The following SMIM7 variants were observed in gnomAD, a reference collection of about 807,000 sequenced individuals.
SMIM7 encodes the protein UPF0608 protein C19orf42.
Under a neutral mutation model 13.3 loss-of-function variants are expected in SMIM7, and 12 were observed. The ratio of observed to expected loss-of-function variants is 0.90; its 90% confidence interval spans 0.58 to 1.46. The LOEUF (loss-of-function observed/expected upper bound fraction) is 1.46. Ranked by LOEUF, SMIM7 falls within the 40% of genes most tolerant of loss-of-function variation. The pLI is 0.00. For missense variants in SMIM7, 114 were observed against 94.8 expected (o/e 1.20, Z -0.84); for synonymous variants, 36 against 35.8 (o/e 1.01, Z -0.02).
At chr19:16,642,498 C>G (rs1248203021), downstream of SMIM7, among the ~76,000 whole-genome samples, 3 of 151,948 alleles carry the variant, frequency 2.0e-5, no homozygotes, top group East Asian at 5.8e-4. Context: ...TGCAGTGAAC[C>G]AAGATCACAC....
intron 4 of SMIM7, among the ~76,000 whole-genome samples, chr19:16,633,098 T>C (rs2086333493): frequency 6.6e-6 from 1 of 152,206 alleles, no homozygotes; most frequent in Admixed American, 6.5e-5. Flanking sequence ...GGGAGCCTTG[T>C]GGGTGCTACA....
chr19:16,659,748 G>C, intron 2 of SMIM7: 1 of 687,110 alleles, frequency 1.5e-6, no homozygotes, highest in Non-Finnish European at 2.5e-6. Flanking sequence ...GTGAACAGAG[G>C]GACAACCAAG....
At chr19:16,632,945 G>A (rs2086332332) in intron 4 of SMIM7, among the ~76,000 whole-genome samples, 1 of 152,210 alleles carries the variant, frequency 6.6e-6, no homozygotes, top group Non-Finnish European at 1.5e-5. Flanking sequence ...AGACAAATGT[G>A]TATGTACAAG....
chr19:16,635,760 T>C (rs1423458344), intron 4 of SMIM7, among the ~76,000 whole-genome samples: 1 of 151,478 alleles, frequency 6.6e-6, no homozygotes, highest in Non-Finnish European at 1.5e-5. Flanking sequence ...GGCAGGCGCC[T>C]GTAATCCCAG....
Position 16,646,390 on chromosome 19 carries a change from C to T in SMIM7, c.*856G>A, listed in dbSNP as rs1220725242. The T allele has an allele frequency of 6.6e-6, 1 of 152,262 alleles. No individual in the cohort carries two copies. The highest frequency in any genetic ancestry group is 2.4e-5 in the African/African-American group (1 of 41,550). The allele number at this position is 152,262 out of a possible 1,614,324, so 9.4% of individuals were successfully genotyped here. On this transcript the variant is annotated 3_prime_UTR_variant, in exon 5 of 5. Transcript: ENST00000487416. ...GGGCGTTTCATTTTGGCAACAAAACCAGGATTCCCTTTCAAAGAAGCTTCT... is the reference window on the plus strand; with the variant it reads ...GGGCGTTTCATTTTGGCAACAAAACTAGGATTCCCTTTCAAAGAAGCTTCT...
At chr19:16,653,045 T>TGTG (rs1474158220) in intron 4 of SMIM7, 1 of 1,457,006 alleles carries the variant, frequency 6.9e-7, no homozygotes, top group Non-Finnish European at 9.3e-7. Context: ...TGGAGCAGGA[T>TGTG]CTGGCAGTGT....
At chr19:16,633,143 T>TG (rs966391579) in intron 4 of SMIM7, among the ~76,000 whole-genome samples, 3 of 152,112 alleles carry the variant, frequency 2.0e-5, no homozygotes, top group African/African-American at 7.2e-5. Flanking sequence ...GTGACCTCAC[T>TG]GGTGTTTGTA....
At chr19:16,658,003 C>G (rs1275462674) in intron 3 of SMIM7, among the ~76,000 whole-genome samples, 1 of 152,200 alleles carries the variant, frequency 6.6e-6, no homozygotes, top group Non-Finnish European at 1.5e-5. Flanking sequence ...CCGCTGCACT[C>G]CAGCCTGGGC....
At chr19:16,633,947 T>C (rs2086339852) in intron 4 of SMIM7, 1 of 152,202 alleles carries the variant, frequency 6.6e-6, no homozygotes, top group African/African-American at 2.4e-5. Flanking sequence ...CTTACACTTT[T>C]TCCTAGATTA....
chr19:16,652,636 G>A (rs1437578144), intron 4 of SMIM7: 11 of 1,339,708 alleles, frequency 8.2e-6, no homozygotes, highest in African/African-American at 1.5e-5. Context: ...AATACATCAC[G>A]GTCCTTGTGA....
chr19:16,636,909 T>C (rs971585527), intron 4 of SMIM7, among the ~76,000 whole-genome samples: 1 of 152,130 alleles, frequency 6.6e-6, no homozygotes, highest in African/African-American at 2.4e-5. Flanking sequence ...GCTAAGATAG[T>C]GCCACTGCAC....
At chr19:16,659,882 T>C (rs888024546) in intron 2 of SMIM7, 77 bp downstream of exon 2, 9 of 1,531,226 alleles carry the variant, frequency 5.9e-6, no homozygotes, top group East Asian at 2.4e-5. Flanking sequence ...GCCTGAGAAG[T>C]GCGCCGAGAT....
chr19:16,653,849 C>T (rs1016743526), intron 4 of SMIM7, 186 bp downstream of exon 4: 12 of 586,386 alleles, frequency 2.0e-5, no homozygotes, highest in Admixed American at 3.3e-5. Flanking sequence ...GAGCCCAGAT[C>T]GCACCACTGC....
intron 4 of SMIM7, chr19:16,652,691 G>C: frequency 2.1e-6 from 3 of 1,423,376 alleles, no homozygotes; most frequent in Non-Finnish European, 2.7e-6. Context: ...TGTCCTGGAA[G>C]CATCTTCGCA....
chr19:16,654,138 G>A lies in SMIM7; in HGVS notation c.122-13C>T. ...CGGATGTTGTCACCTGGAAGAATCA[G>A]AAAGCACTTTTATGGCACAGCTAAC... On this transcript the variant is annotated splice_polypyrimidine_tract_variant and intron_variant, in intron 3 of 4. Transcript: ENST00000487416. 2 of 1,612,100 alleles carry A rather than the reference G, an allele frequency of 1.2e-6. No individual in the cohort carries two copies. The highest frequency in any genetic ancestry group is 1.7e-6 in the Non-Finnish European group (2 of 1,178,342).
chr19:16,632,812 G>A (rs954911605), intron 4 of SMIM7, among the ~76,000 whole-genome samples: 2 of 152,062 alleles, frequency 1.3e-5, no homozygotes, highest in African/African-American at 2.4e-5. Context: ...GATTACAGGC[G>A]TGAGCCACCA....
chr19:16,632,535 ATTTTTTTTT>A (rs397933494), intron 4 of SMIM7, among the ~76,000 whole-genome samples: 6 of 126,972 alleles, frequency 4.7e-5, no homozygotes, highest in African/African-American at 1.8e-4. Flanking sequence ...AACTGTGAAC[ATTTTTTTTT>A]TTTTTTTTTT....
intron 3 of SMIM7, among the ~76,000 whole-genome samples, chr19:16,658,247 T>C (rs2086622360): frequency 6.6e-6 from 1 of 152,210 alleles, no homozygotes; most frequent in Non-Finnish European, 1.5e-5. Context: ...AGAAACCATG[T>C]GTCCCACCCC....
In SMIM7 at chr19:16,652,764, A is replaced by G. The variant is rs961137984; in HGVS notation, c.212+1271T>C. The G allele has an allele frequency of 3.8e-5, 57 of 1,490,784 alleles. No homozygotes were observed. In the South Asian group the frequency reaches 3.8e-4, roughly 10 times the overall value. 92.3% of individuals were successfully genotyped at this position (1,490,784 alleles called of 1,614,324 possible). ...CCCACATTCGGAGTCTCAATCACTCAGGACAGACAACTTTTTGTCCTCTCT... is the reference window on the plus strand; with the variant it reads ...CCCACATTCGGAGTCTCAATCACTCGGGACAGACAACTTTTTGTCCTCTCT... On this transcript the variant is annotated intron_variant, in intron 4 of 4. Transcript: ENST00000487416.
Sources: gnomAD v4.1 joint callset for allele counts (sites outside exome capture counted in the v4.1 genomes callset) on GRCh38, gnomAD v4.1.1 for gene constraint, MANE v1.5 for transcripts, NCBI Gene and HGNC (gene_info 2026-07-23, HGNC 2026-07-21) for gene names.